Variants in TENM4 observed in about 807,000 individuals in gnomAD.
The protein encoded by TENM4 is teneurin-4.
In TENM4, 82 loss-of-function variants were observed where a neutral mutation model predicts 243.3. The observed-to-expected ratio is 0.34, with a 90% CI of 0.28 to 0.40. The LOEUF (loss-of-function observed/expected upper bound fraction) is 0.40. Among genes scored for constraint, TENM4 ranks in the 10% least tolerant of loss-of-function variants. The pLI, the probability that TENM4 is intolerant of heterozygous loss-of-function variation, is 1.00. For synonymous variants in TENM4, 1,412 were observed against 1,456.3 expected (o/e 0.97, Z 0.69); for missense variants, 3,138 against 3,673.3 (o/e 0.85, Z 3.77).
At chr11:79,328,168 T>C (rs2135439410) in intron 1 of TENM4, among the ~76,000 whole-genome samples, 1 of 152,336 alleles carries the variant, frequency 6.6e-6, no homozygotes, top group East Asian at 1.9e-4. Context: ...ACATTTAGGC[T>C]CAGTATTTTG....
chr11:79,372,051 C>T (rs1325582480), intron 1 of TENM4, among the ~76,000 whole-genome samples: 2 of 152,182 alleles, frequency 1.3e-5, no homozygotes, highest in Non-Finnish European at 2.9e-5. Context: ...AGCAGTGCTC[C>T]TGCCCTGCCT....
intron 1 of TENM4, among the ~76,000 whole-genome samples, chr11:79,386,771 A>C (rs1858121343): frequency 6.6e-6 from 1 of 151,784 alleles, no homozygotes; most frequent in African/African-American, 2.4e-5. Flanking sequence ...TTAAGTGAGC[A>C]AAAAAATTTT....
In TENM4 at chr11:78,668,980, G is replaced by T; in HGVS notation, c.7365C>A (p.Asn2455Lys). The T allele has an allele frequency of 6.2e-7, 1 of 1,613,962 alleles. No individual in the cohort carries two copies. Among genetic ancestry groups the T allele is most frequent in the South Asian group, 1.1e-5 (1 of 91,074 alleles). ...MPFNLYMFKN[N>K]NPISNSQDIK... ...TGTCCTGGGAGTTGCTGATGGGGTT[G>T]TTGTTTTTGAACATATAGAGATTAA... Residue 2455 changes from asparagine (N) to lysine (K), a missense_variant, in exon 32 of 34, where the codon AAC becomes AAA. Asn to Lys is a moderately conservative substitution (Grantham distance 94). Around this residue, in one of 2 missense-constraint regions of TENM4, gnomAD observed 2,467 missense variants for 3,059.1 expected, o/e 0.81. Transcript: ENST00000278550.
At chr11:79,122,635 G>T (rs908566939) in intron 4 of TENM4, among the ~76,000 whole-genome samples, 1 of 152,148 alleles carries the variant, frequency 6.6e-6, no homozygotes, top group Admixed American at 6.5e-5. Flanking sequence ...CAGGTTTCTG[G>T]CCTGTAAGCC....
chr11:79,437,453 G>A lies in TENM4; in HGVS notation c.-321+3056C>T, dbSNP rs61884090. 4.6e-5 allele frequency among the ~76,000 whole-genome samples: 7 copies of A among 152,166 alleles called. No individual in the cohort carries two copies. In the East Asian group the frequency reaches 1.2e-3, roughly 25 times the overall value. The stretch of plus-strand genomic sequence containing the variant: ...GGGACCCTGCACTGTGCCGCGCGGC[G>A]CTTGCGGCTGGAACTTGGCCTGGAA... On this transcript the variant is annotated intron_variant, in intron 1 of 33. Coordinates refer to ENST00000278550, the MANE Select transcript of TENM4 (RefSeq NM_001098816.3).
intron 1 of TENM4, among the ~76,000 whole-genome samples, chr11:79,362,116 G>C (rs1358178808): frequency 6.6e-6 from 1 of 152,168 alleles, no homozygotes; most frequent in Non-Finnish European, 1.5e-5. Context: ...TAGAGACCAA[G>C]ACTGATAAAA....
At chr11:78,839,766 G>A (rs189876072) in intron 12 of TENM4, among the ~76,000 whole-genome samples, 29 of 152,290 alleles carry the variant, frequency 1.9e-4, no homozygotes, top group East Asian at 1.3e-3. Context: ...ATGTTCTTAT[G>A]ATGCTGTTTC....
chr11:79,250,326 T>C (rs975636499), intron 2 of TENM4, among the ~76,000 whole-genome samples: 5 of 152,226 alleles, frequency 3.3e-5, no homozygotes, highest in African/African-American at 9.6e-5. Flanking sequence ...AGAAATTCAA[T>C]TGTGAGGCTA....
intron 2 of TENM4, among the ~76,000 whole-genome samples, chr11:79,256,686 CA>C (rs1855705956): frequency 6.6e-6 from 1 of 152,198 alleles, no homozygotes; most frequent in Non-Finnish European, 1.5e-5. Context: ...TGCTGTTTAT[CA>C]ATGACTTTGT....
At chr11:79,002,675 G>T (rs1858363933) in intron 6 of TENM4, among the ~76,000 whole-genome samples, 1 of 152,218 alleles carries the variant, frequency 6.6e-6, no homozygotes, top group African/African-American at 2.4e-5. Context: ...TTGAAAGACT[G>T]AAGGAACATC....
At chr11:78,677,408 C>T (rs1191803914) in intron 29 of TENM4, among the ~76,000 whole-genome samples, 1 of 151,966 alleles carries the variant, frequency 6.6e-6, no homozygotes. Flanking sequence ...GCATGCATCA[C>T]CACACCCGGC....
intron 1 of TENM4, among the ~76,000 whole-genome samples, chr11:79,313,529 C>CA (rs1406423067): frequency 6.6e-6 from 1 of 152,208 alleles, no homozygotes; most frequent in Non-Finnish European, 1.5e-5. Flanking sequence ...AACTCTTTCA[C>CA]AGAAAGAGCT....
At chr11:78,936,848 G>T (rs1452436286) in intron 6 of TENM4, among the ~76,000 whole-genome samples, 1 of 152,160 alleles carries the variant, frequency 6.6e-6, no homozygotes, top group African/African-American at 2.4e-5. Context: ...AGGAGAGGCT[G>T]CCCTAAGTAA....
At chr11:78,917,028 A>G (rs1856332153) in intron 6 of TENM4, among the ~76,000 whole-genome samples, 1 of 152,152 alleles carries the variant, frequency 6.6e-6, no homozygotes, top group Non-Finnish European at 1.5e-5. Flanking sequence ...AAATGCAAAA[A>G]CCCCTCATGT....
At chr11:79,398,568 T>A (rs1341615179) in intron 1 of TENM4, among the ~76,000 whole-genome samples, 1 of 152,022 alleles carries the variant, frequency 6.6e-6, no homozygotes, top group Non-Finnish European at 1.5e-5. Context: ...AATCAGAAAC[T>A]GCTGCACAAA....
chr11:79,368,876 G>A (rs1857726796), intron 1 of TENM4, among the ~76,000 whole-genome samples: 1 of 152,242 alleles, frequency 6.6e-6, no homozygotes, highest in African/African-American at 2.4e-5. Context: ...TCGCGGAGAT[G>A]TGTGGAGTCA....
At chr11:78,953,021 A>T (rs1857135022) in intron 6 of TENM4, among the ~76,000 whole-genome samples, 1 of 152,136 alleles carries the variant, frequency 6.6e-6, no homozygotes, top group Admixed American at 6.5e-5. Flanking sequence ...TAGAAATAGG[A>T]TCCACCAGGA....
Position 78,889,115 on chromosome 11 carries a change from A to G in TENM4, c.1084+670T>C, listed in dbSNP as rs553888043. On this transcript the variant is annotated intron_variant, in intron 9 of 33. Coordinates refer to ENST00000278550, the MANE Select transcript of TENM4 (RefSeq NM_001098816.3). Reference sequence around the variant, plus strand: ...AGGCAGAGGTCGGGAGGAGCTCCTTATATCTGTGTTTGCACCCAGGGTCAG... The same window carrying G: ...AGGCAGAGGTCGGGAGGAGCTCCTTGTATCTGTGTTTGCACCCAGGGTCAG... 3.3e-5 allele frequency among the ~76,000 whole-genome samples: 5 copies of G among 152,182 alleles called. No homozygotes were observed. The East Asian group carries it at 9.6e-4, about 29-fold the overall frequency.
At chr11:79,363,592 G>T (rs1857627173) in intron 1 of TENM4, among the ~76,000 whole-genome samples, 1 of 152,170 alleles carries the variant, frequency 6.6e-6, no homozygotes, top group South Asian at 2.1e-4. Flanking sequence ...CAATGTGAGG[G>T]TTACATGAGA....
Sources: allele counts gnomAD v4.1 joint callset (sites outside exome capture counted in the v4.1 genomes callset), GRCh38; gene constraint gnomAD v4.1.1; regional missense constraint gnomAD v4.1.1; transcripts MANE v1.5; gene names NCBI Gene and HGNC (gene_info 2026-07-23, HGNC 2026-07-21).